The following RUNX1 variants were observed in gnomAD, a reference collection of about 807,000 sequenced individuals.
The protein encoded by RUNX1 is runt-related transcription factor 1.
RUNX1 carries 19 observed loss-of-function variants against 42.8 expected under a neutral mutation model. The ratio of observed to expected loss-of-function variants is 0.44; its 90% CI spans 0.31 to 0.65. The LOEUF is 0.65. RUNX1 is among the 30% of genes least tolerant of loss of function. RUNX1 has a pLI of 0.07. For synonymous variants in RUNX1, 271 were observed against 289.4 expected, an observed-to-expected ratio of 0.94 and a Z score of 0.64; for missense variants, 528 against 672.0, an observed-to-expected ratio of 0.79 and a Z score of 2.37.
rs578028102 is a variant in RUNX1, at chr21:34,901,319, G to A, written c.59-8356C>T. ...GAGGTCAAGAGTTTGAGACCAGCCCGGCCAACATGGTGAAACCCCGTCTCT... is the reference window on the plus strand; with the variant it reads ...GAGGTCAAGAGTTTGAGACCAGCCCAGCCAACATGGTGAAACCCCGTCTCT... On this transcript the variant is annotated intron_variant, in intron 2 of 8. Transcript: ENST00000675419. This position sits in a 1 kb window ranked among gnomAD's most constrained non-coding sequence, Gnocchi z 4.3. 2.6e-4 allele frequency among the ~76,000 whole-genome samples: 39 copies of A among 151,952 alleles called. No homozygotes were observed. The highest frequency in any genetic ancestry group is 5.0e-4 in the Non-Finnish European group (34 of 67,996).
chr21:34,991,842 T>C (rs1007525399), intron 2 of RUNX1, among the ~76,000 whole-genome samples: 4 of 152,196 alleles, frequency 2.6e-5, no homozygotes, highest in Non-Finnish European at 5.9e-5. Flanking sequence ...CTGAATCTAA[T>C]GACTGATGTC....
intron 6 of RUNX1, among the ~76,000 whole-genome samples, chr21:34,852,777 C>G (rs1280930232): frequency 6.6e-6 from 1 of 151,908 alleles, no homozygotes; most frequent in African/African-American, 2.4e-5. Flanking sequence ...CTAGAAAGAA[C>G]TAAAGTCCAA....
chr21:34,822,328 A>G (rs1267226408), intron 7 of RUNX1, among the ~76,000 whole-genome samples: 1 of 152,210 alleles, frequency 6.6e-6, no homozygotes, highest in African/African-American at 2.4e-5. Flanking sequence ...GGATTCAATG[A>G]ACCAGCAACA....
chr21:34,806,813 T>G (rs77251593), intron 7 of RUNX1, among the ~76,000 whole-genome samples: 28 of 152,120 alleles, frequency 1.8e-4, no homozygotes, highest in African/African-American at 6.8e-4. Flanking sequence ...AAGCCAATAA[T>G]AGATAACTGG....
chr21:34,922,577 A>G (rs2058361996), intron 2 of RUNX1, among the ~76,000 whole-genome samples: 1 of 152,148 alleles, frequency 6.6e-6, no homozygotes, highest in African/African-American at 2.4e-5. Flanking sequence ...GAAAGAGAGA[A>G]ACAGTGATCT....
intron 2 of RUNX1, among the ~76,000 whole-genome samples, chr21:34,950,165 T>C (rs1478520918): frequency 6.6e-6 from 1 of 152,240 alleles, no homozygotes; most frequent in Non-Finnish European, 1.5e-5. Context: ...AGTTAAGTCA[T>C]TGCAACAGGT....
At chr21:34,970,611 A>G (rs2058756907) in intron 2 of RUNX1, among the ~76,000 whole-genome samples, 1 of 152,082 alleles carries the variant, frequency 6.6e-6, no homozygotes, top group African/African-American at 2.4e-5. Context: ...CTGGGCTCCT[A>G]CGTTGGTCAG....
At chr21:34,806,097 T>C (rs1301431275) in intron 7 of RUNX1, among the ~76,000 whole-genome samples, 1 of 152,126 alleles carries the variant, frequency 6.6e-6, no homozygotes, top group Non-Finnish European at 1.5e-5. Context: ...GCAACAAATA[T>C]AAAAGTTATA....
intron 2 of RUNX1, among the ~76,000 whole-genome samples, chr21:34,976,494 T>G (rs75102575): frequency 0.017 from 2,553 of 152,328 alleles, 67 homozygotes; most frequent in African/African-American, 0.058. Context: ...AATACTAATT[T>G]TCATCCCCCT....
At chr21:34,894,880 A>AACAC (rs57230115) in intron 2 of RUNX1, among the ~76,000 whole-genome samples, 8,363 of 127,818 alleles carry the variant, frequency 0.065, 333 homozygotes, top group East Asian at 0.092. Context: ...CCTACATAGA[A>AACAC]ACACACACAC....
intron 6 of RUNX1, among the ~76,000 whole-genome samples, chr21:34,839,257 C>A (rs532607159): frequency 6.6e-6 from 1 of 151,404 alleles, no homozygotes; most frequent in Non-Finnish European, 1.5e-5. Flanking sequence ...CACACACACT[C>A]GGAATGTACA....
intron 2 of RUNX1, among the ~76,000 whole-genome samples, chr21:35,040,483 C>T (rs745556148): frequency 6.6e-5 from 10 of 152,056 alleles, no homozygotes; most frequent in Non-Finnish European, 1.2e-4. Context: ...AAAAAACTCA[C>T]CTAGGATGGG....
At chr21:34,920,455 A>G (rs1366408128) in intron 2 of RUNX1, among the ~76,000 whole-genome samples, 1 of 152,218 alleles carries the variant, frequency 6.6e-6, no homozygotes, top group African/African-American at 2.4e-5. Flanking sequence ...TACCAGTTTC[A>G]GACCAAATTG....
chr21:34,843,936 T>C lies in RUNX1; in HGVS notation c.614-9335A>G, dbSNP rs766258412. Among the ~76,000 whole-genome samples, 3 of 152,222 alleles carry C rather than the reference T, an allele frequency of 2.0e-5. No individual in the cohort carries two copies. Among genetic ancestry groups the C allele is most frequent in the Non-Finnish European group, 4.4e-5 (3 of 68,042 alleles). On this transcript the variant is annotated intron_variant, in intron 6 of 8. Transcript: ENST00000675419. This position sits in a 1 kb window ranked among gnomAD's most constrained non-coding sequence, Gnocchi z 4.8. ...GAAGCCACCTGCTGGCTTTTGCTCT[T>C]GACCAGAGGTAGCCCTCTGTGGGGG...
chr21:35,038,607 C>CTGTGTGTGTGTGTGTGTG (rs768066971), intron 2 of RUNX1: 7 of 276,788 alleles, frequency 2.5e-5, no homozygotes, highest in African/African-American at 2.1e-4. Flanking sequence ...CTCTCTCTCT[C>CTGTGTGTGTGTGTGTGTG]TCTCTCTGTG....
intron 2 of RUNX1, among the ~76,000 whole-genome samples, chr21:34,941,070 G>T (rs1347155872): frequency 6.6e-6 from 1 of 152,128 alleles, no homozygotes; most frequent in Non-Finnish European, 1.5e-5. Context: ...CTAAAGGTCC[G>T]GACAGAATTA....
intron 7 of RUNX1, among the ~76,000 whole-genome samples, chr21:34,801,769 T>C (rs935854239): frequency 6.6e-6 from 1 of 152,150 alleles, no homozygotes; most frequent in South Asian, 2.1e-4. Flanking sequence ...GTGTTACTAA[T>C]AGAAAACAAA....
chr21:34,910,358 A>T (rs2146520373), intron 2 of RUNX1, among the ~76,000 whole-genome samples: 1 of 151,450 alleles, frequency 6.6e-6, no homozygotes, highest in African/African-American at 2.4e-5. Flanking sequence ...TAGAAACTCC[A>T]GCAATGAAGA....
intron 2 of RUNX1, among the ~76,000 whole-genome samples, chr21:35,006,287 A>C (rs1442676730): frequency 6.6e-6 from 1 of 152,194 alleles, no homozygotes; most frequent in African/African-American, 2.4e-5. Context: ...TTTTTCTTGA[A>C]AATCTGCTTT....
Sources: gnomAD v4.1 joint callset for allele counts (sites outside exome capture counted in the v4.1 genomes callset) on GRCh38, gnomAD v4.1.1 for gene constraint, Gnocchi (gnomAD v3.1) non-coding constraint, MANE v1.5 for transcripts, NCBI Gene and HGNC (gene_info 2026-07-23, HGNC 2026-07-21) for gene names.